Variants in LPGAT1 observed in about 807,000 individuals in gnomAD.
The protein encoded by LPGAT1 is acyl-CoA:lysophosphatidylglycerol acyltransferase 1.
A neutral mutation model predicts 47.5 loss-of-function variants in LPGAT1; 11 were observed. That is an observed-to-expected ratio of 0.23 (90% CI 0.15 to 0.38). LPGAT1 has a LOEUF of 0.38. Among genes scored for constraint, LPGAT1 ranks in the 10% least tolerant of loss-of-function variants. The pLI is 1.00. For missense variants in LPGAT1, 293 were observed against 439.0 expected (o/e 0.67, Z 2.97); for synonymous variants, 138 against 144.2 (o/e 0.96, Z 0.31).
chr1:211,808,070 T>C (rs1184111302), intron 2 of LPGAT1, among the ~76,000 whole-genome samples: 4 of 135,168 alleles, frequency 3.0e-5, no homozygotes, highest in Non-Finnish European at 6.7e-5. Flanking sequence ...ATCCCAAGTA[T>C]ATAGAAAACT....
At chr1:211,756,850 T>G (rs1657477363) in intron 6 of LPGAT1, among the ~76,000 whole-genome samples, 1 of 151,822 alleles carries the variant, frequency 6.6e-6, no homozygotes, top group African/African-American at 2.4e-5. Context: ...ACAACAGTGT[T>G]TGCTTTGTTT....
At chr1:211,819,979 C>T (rs368924153) in intron 2 of LPGAT1, among the ~76,000 whole-genome samples, 6 of 151,318 alleles carry the variant, frequency 4.0e-5, no homozygotes, top group South Asian at 4.2e-4. Flanking sequence ...AGTGAGACTC[C>T]GTCTCAAAAA....
At chr1:211,798,110 T>C (rs1288393357) in intron 2 of LPGAT1, among the ~76,000 whole-genome samples, 1 of 152,168 alleles carries the variant, frequency 6.6e-6, no homozygotes, top group Non-Finnish European at 1.5e-5. Context: ...CTAAAGCCAT[T>C]ATACTGGCCT....
At chr1:211,769,249 T>C (rs1419755191) in intron 6 of LPGAT1, among the ~76,000 whole-genome samples, 13 of 152,082 alleles carry the variant, frequency 8.5e-5, no homozygotes. Flanking sequence ...TCAGGGGATA[T>C]GTATTTAAAT....
At chr1:211,811,663 A>G (rs1377933220) in intron 2 of LPGAT1, among the ~76,000 whole-genome samples, 2 of 152,188 alleles carry the variant, frequency 1.3e-5, no homozygotes, top group African/African-American at 2.4e-5. Context: ...AGGCTGAGGC[A>G]CAAGAATTGC....
At chr1:211,755,541 G>A (rs187087557) in intron 6 of LPGAT1, among the ~76,000 whole-genome samples, 328 of 149,714 alleles carry the variant, frequency 2.2e-3, no homozygotes, top group African/African-American at 7.6e-3. Flanking sequence ...ATTTAAGTGC[G>A]AGTAGACAGA....
rs1038073092 is a variant in LPGAT1 at position 211,808,303 on chromosome 1, T to C, written c.239-15113A>G. Among the ~76,000 whole-genome samples the C allele has an allele frequency of 8.9e-5, 13 of 146,358 alleles. No homozygotes were observed. The East Asian group carries it at 2.7e-3, about 30-fold the overall frequency. On this transcript the variant is annotated intron_variant, in intron 2 of 7. Coordinates refer to ENST00000366997, the MANE Select transcript of LPGAT1 (RefSeq NM_014873.3). ...TTGTGGAAATTGCAGTGAGCTGAGA[T>C]CACGCCATTGCACTCCAGTCTGCGC...
chr1:211,749,667 T>C lies in LPGAT1; in HGVS notation c.*232A>G, dbSNP rs1207848453. The C allele has an allele frequency of 3.3e-5, 15 of 452,832 alleles. No homozygotes were observed. The highest frequency in any genetic ancestry group is 5.4e-5 in the Non-Finnish European group (14 of 257,010). 28.1% of individuals were successfully genotyped at this position (452,832 alleles called of 1,614,324 possible). A position where few individuals can be genotyped will look rare whatever the true frequency, so the allele number is the denominator to read the frequency against. On this transcript the variant is annotated 3_prime_UTR_variant, in exon 8 of 8. Transcript: ENST00000366997. The stretch of plus-strand genomic sequence containing the variant: ...ATGTGATGTTTGCTTAAATATGTGA[T>C]AGAGTGTATCTTTTTAAAACATGTT...
intron 4 of LPGAT1, 141 bp downstream of exon 4, chr1:211,787,489 CAA>C (rs374026763): frequency 0.076 from 14,251 of 187,586 alleles, no homozygotes; most frequent in South Asian, 0.11. Context: ...CTCTGTCTCT[CAA>C]AAAAAAAAAA....
intron 6 of LPGAT1, among the ~76,000 whole-genome samples, chr1:211,753,339 T>C (rs758917373): frequency 3.9e-5 from 6 of 152,252 alleles, no homozygotes; most frequent in Non-Finnish European, 5.9e-5. Flanking sequence ...TGGCTAGATA[T>C]AGGATTCAAG....
At chr1:211,754,378 G>A (rs1657346233) in intron 6 of LPGAT1, among the ~76,000 whole-genome samples, 1 of 152,140 alleles carries the variant, frequency 6.6e-6, no homozygotes, top group Non-Finnish European at 1.5e-5. Flanking sequence ...TTGGGGTTCT[G>A]TTATGTTATT....
At chr1:211,774,429 T>C (rs1658308278) in intron 6 of LPGAT1, among the ~76,000 whole-genome samples, 1 of 152,120 alleles carries the variant, frequency 6.6e-6, no homozygotes, top group African/African-American at 2.4e-5. Context: ...AAGACTCTTT[T>C]ACCTGTACAT....
chr1:211,791,602 G>A (rs754728435), intron 3 of LPGAT1, among the ~76,000 whole-genome samples: 5 of 151,986 alleles, frequency 3.3e-5, no homozygotes, highest in Non-Finnish European at 7.4e-5. Flanking sequence ...ACAAAAATTA[G>A]CCAGGCATGG....
At chr1:211,762,377 T>C (rs575477781) in intron 6 of LPGAT1, among the ~76,000 whole-genome samples, 2 of 152,316 alleles carry the variant, frequency 1.3e-5, no homozygotes, top group Admixed American at 1.3e-4. Context: ...AGACAACCTC[T>C]TCTACCATCT....
At chr1:211,772,656 G>C (rs1054826797) in intron 6 of LPGAT1, among the ~76,000 whole-genome samples, 15 of 152,132 alleles carry the variant, frequency 9.9e-5, no homozygotes, top group Non-Finnish European at 1.9e-4. Context: ...CCTGAGGCTT[G>C]CTTCAAAATA....
intron 6 of LPGAT1, among the ~76,000 whole-genome samples, chr1:211,770,237 T>C (rs565541632): frequency 6.6e-6 from 1 of 152,318 alleles, no homozygotes; most frequent in South Asian, 2.1e-4. Context: ...AGAACTGCTA[T>C]GTCATAGATA....
chr1:211,783,202 G>A, intron 5 of LPGAT1, 27 bp downstream of exon 5: 1 of 1,568,646 alleles, frequency 6.4e-7, no homozygotes, highest in Non-Finnish European at 8.7e-7. Flanking sequence ...ACTCCAACAA[G>A]GTAAAAAATG....
intron 6 of LPGAT1, among the ~76,000 whole-genome samples, chr1:211,768,887 C>T (rs553633805): frequency 1.2e-4 from 19 of 152,214 alleles, no homozygotes; most frequent in African/African-American, 4.3e-4. Context: ...GAAGACTTCT[C>T]GTGGAGGAGG....
intron 3 of LPGAT1, chr1:211,792,268 G>A (rs1227247125): frequency 1.3e-5 from 2 of 151,412 alleles, no homozygotes; most frequent in Middle Eastern, 3.2e-3. Context: ...GCTCCCAGGA[G>A]GTCACCATAT....
Sources: allele counts gnomAD v4.1 joint callset (sites outside exome capture counted in the v4.1 genomes callset), GRCh38; gene constraint gnomAD v4.1.1; transcripts MANE v1.5; gene names NCBI Gene and HGNC (gene_info 2026-07-23, HGNC 2026-07-21).